Variants in ZNF521 observed in about 807,000 individuals in gnomAD.
ZNF521 encodes LYST-interacting protein 3.
Under a neutral mutation model 105.5 loss-of-function variants are expected in ZNF521, and 14 were observed. That is an observed-to-expected ratio of 0.13 (90% CI 0.09 to 0.21). The LOEUF (loss-of-function observed/expected upper bound fraction) is 0.21. ZNF521 is among the 10% of genes least tolerant of loss of function. The pLI is 1.00. For missense variants in ZNF521, 1,233 were observed against 1,629.7 expected, an observed-to-expected ratio of 0.76 and a Z score of 4.19; for synonymous variants, 635 against 606.0, an observed-to-expected ratio of 1.05 and a Z score of -0.70.
chr18:25,324,549 A>G (rs1179690915), intron 2 of ZNF521, among the ~76,000 whole-genome samples: 2 of 152,198 alleles, frequency 1.3e-5, no homozygotes, highest in Non-Finnish European at 2.9e-5. Flanking sequence ...CACTTATTGG[A>G]AGGCAGTATG....
At chr18:25,220,626 GT>G in intron 4 of ZNF521, among the ~76,000 whole-genome samples, 1 of 152,252 alleles carries the variant, frequency 6.6e-6, no homozygotes, top group South Asian at 2.1e-4. Context: ...TTTTGATTCT[GT>G]GGCACCCTAT....
At chr18:25,258,623 G>C (rs1345723343) in intron 3 of ZNF521, among the ~76,000 whole-genome samples, 1 of 152,150 alleles carries the variant, frequency 6.6e-6, no homozygotes, top group Non-Finnish European at 1.5e-5. Context: ...TAGACCATAA[G>C]GACAGAAGCC....
chr18:25,276,584 A>C (rs1359187001), intron 3 of ZNF521, among the ~76,000 whole-genome samples: 1 of 152,182 alleles, frequency 6.6e-6, no homozygotes, highest in African/African-American at 2.4e-5. Flanking sequence ...TAGGGGTCCC[A>C]CCTCCCTGAA....
At chr18:25,181,839 C>T (rs1302214312) in intron 5 of ZNF521, among the ~76,000 whole-genome samples, 1 of 152,100 alleles carries the variant, frequency 6.6e-6, no homozygotes, top group Non-Finnish European at 1.5e-5. Flanking sequence ...AATTTCCAGC[C>T]AGAGGGCTAT....
intron 3 of ZNF521, among the ~76,000 whole-genome samples, chr18:25,289,389 C>T (rs1038372321): frequency 6.6e-6 from 1 of 152,320 alleles, no homozygotes; most frequent in Non-Finnish European, 1.5e-5. Flanking sequence ...TGCCACCAGC[C>T]CTCAGTGATT....
chr18:25,302,609 G>A (rs943834334), intron 3 of ZNF521: 2 of 152,148 alleles, frequency 1.3e-5, no homozygotes, highest in South Asian at 4.1e-4. Flanking sequence ...TAAGATGCCT[G>A]ATTTGATTAT....
chr18:25,235,857 T>C (rs746807587), intron 3 of ZNF521, among the ~76,000 whole-genome samples: 51 of 152,340 alleles, frequency 3.3e-4, no homozygotes, highest in African/African-American at 8.2e-4. Context: ...TGTGGGTTCA[T>C]TGTGCAGTAA....
intron 5 of ZNF521, among the ~76,000 whole-genome samples, chr18:25,175,368 A>G (rs2035519958): frequency 6.6e-6 from 1 of 152,162 alleles, no homozygotes; most frequent in Non-Finnish European, 1.5e-5. Flanking sequence ...CAAAATTAGG[A>G]CTTTATAAAT....
At chr18:25,279,574 A>G (rs1910238704) in intron 3 of ZNF521, among the ~76,000 whole-genome samples, 1 of 152,232 alleles carries the variant, frequency 6.6e-6, no homozygotes, top group South Asian at 2.1e-4. Context: ...TAGCAAACAT[A>G]ATTTCAAACA....
chr18:25,130,870 C>A (rs1301258142), intron 5 of ZNF521, among the ~76,000 whole-genome samples: 1 of 151,880 alleles, frequency 6.6e-6, no homozygotes, highest in African/African-American at 2.4e-5. Flanking sequence ...TGGAGCCCAG[C>A]AGTTTGAGGC....
intron 3 of ZNF521, among the ~76,000 whole-genome samples, chr18:25,263,095 TA>T (rs1400580116): frequency 6.6e-6 from 1 of 152,206 alleles, no homozygotes; most frequent in African/African-American, 2.4e-5. Flanking sequence ...TGTTTTAGAT[TA>T]CAAGACTATG....
intron 5 of ZNF521, among the ~76,000 whole-genome samples, chr18:25,143,146 T>C (rs1323407773): frequency 2.6e-5 from 4 of 152,128 alleles, no homozygotes; most frequent in Admixed American, 6.6e-5. Flanking sequence ...TTTATCATAT[T>C]TTCTACATTT....
At chr18:25,098,586 T>C (rs545827621) in intron 5 of ZNF521, among the ~76,000 whole-genome samples, 91 of 152,230 alleles carry the variant, frequency 6.0e-4, no homozygotes, top group African/African-American at 2.1e-3. Context: ...GCAAATATTC[T>C]GGAAAAGGCA....
chr18:25,340,489 A>C (rs193037619), intron 2 of ZNF521, among the ~76,000 whole-genome samples: 57 of 152,356 alleles, frequency 3.7e-4, no homozygotes, highest in African/African-American at 1.3e-3. Context: ...AGGCTGTCCA[A>C]ACTGCGTTTG....
At chr18:25,223,084 C>A (rs558678900) in intron 4 of ZNF521, among the ~76,000 whole-genome samples, 3 of 152,180 alleles carry the variant, frequency 2.0e-5, no homozygotes, top group African/African-American at 7.2e-5. Context: ...ACTTGGAAAA[C>A]CCTCATTTCA....
intron 5 of ZNF521, among the ~76,000 whole-genome samples, chr18:25,144,999 A>G (rs2034916898): frequency 2.0e-5 from 3 of 152,220 alleles, no homozygotes; most frequent in Admixed American, 2.0e-4. Flanking sequence ...TAAGTTCACC[A>G]GCATGCAAGA....
At chr18:25,340,573 GC>G (rs1914143005) in intron 2 of ZNF521, among the ~76,000 whole-genome samples, 3 of 152,118 alleles carry the variant, frequency 2.0e-5, no homozygotes, top group African/African-American at 7.2e-5. Flanking sequence ...AAGTATGTTT[GC>G]CCCATTAATA....
At position 25,224,743 on chromosome 18, in the gene ZNF521, G is replaced by A; in HGVS notation, c.3175C>T (p.Gln1059Ter). The A allele has an allele frequency of 6.2e-7, 1 of 1,613,920 alleles. No homozygotes were observed. Among genetic ancestry groups the A allele is most frequent in the Non-Finnish European group, 8.5e-7 (1 of 1,179,986 alleles). The change falls in exon 4 of 8, where the codon CAG (glutamine) becomes TAG (stop). Residue 1059 changes from glutamine (Q) to a stop codon, truncating the protein, a stop_gained. Transcript: ENST00000361524. LOFTEE classifies it high-confidence loss of function. ...GSAVQTTGRG[Q>*]HVQKLYKCAS... is the part of the protein sequence containing the mutation. ...CACTTATACAGTTTTTGGACGTGCT[G>A]GCCCCGCCCTGTGGTCTGAACTGCA...
At chr18:25,261,202 T>C (rs1305401655) in intron 3 of ZNF521, among the ~76,000 whole-genome samples, 2 of 152,056 alleles carry the variant, frequency 1.3e-5, no homozygotes, top group Admixed American at 6.6e-5. Flanking sequence ...AAACAGAGAC[T>C]CTGGGGGCAA....
Sources: gnomAD v4.1 joint callset for allele counts (sites outside exome capture counted in the v4.1 genomes callset) on GRCh38, gnomAD v4.1.1 for gene constraint, MANE v1.5 for transcripts, NCBI Gene and HGNC (gene_info 2026-07-23, HGNC 2026-07-21) for gene names.